GTF2F2: variants seen among roughly 807,000 people sequenced by gnomAD.
GTF2F2 encodes the protein ATP-dependent helicase GTF2F2.
GTF2F2 carries 23 observed loss-of-function variants against 42.2 expected under a neutral mutation model. The ratio of observed to expected loss-of-function variants is 0.55; its 90% confidence interval spans 0.39 to 0.77. The LOEUF (loss-of-function observed/expected upper bound fraction) is 0.77. GTF2F2 is among the 30% of genes least tolerant of loss of function. The probability of loss-of-function intolerance (pLI) is 0.00; values close to 1 mark genes in which losing one functional copy is unlikely to be tolerated. For missense variants in GTF2F2, 261 were observed against 287.2 expected (o/e 0.91, Z 0.66); for synonymous variants, 105 against 100.8 (o/e 1.04, Z -0.25).
intron 4 of GTF2F2, among the ~76,000 whole-genome samples, chr13:45,154,506 A>G (rs1189779600): frequency 6.6e-6 from 1 of 152,184 alleles, no homozygotes; most frequent in Admixed American, 6.5e-5. Context: ...TATGTTCTTT[A>G]TAGAACTGTG....
chr13:45,179,100 G>A (rs1433078431), intron 4 of GTF2F2, among the ~76,000 whole-genome samples: 1 of 152,208 alleles, frequency 6.6e-6, no homozygotes, highest in Non-Finnish European at 1.5e-5. Context: ...TGGAACTGGT[G>A]CAGCATCACT....
intron 4 of GTF2F2, among the ~76,000 whole-genome samples, chr13:45,183,761 G>A (rs910634276): frequency 1.4e-4 from 21 of 152,218 alleles, no homozygotes; most frequent in Non-Finnish European, 2.4e-4. Flanking sequence ...ACTTAGTACT[G>A]TGCCTGATAC....
chr13:45,230,665 A>T (rs575909054), intron 5 of GTF2F2, among the ~76,000 whole-genome samples: 90 of 152,328 alleles, frequency 5.9e-4, no homozygotes, highest in African/African-American at 2.0e-3. Context: ...TTTTGAGATA[A>T]AATTGTTTAC....
chr13:45,234,138 A>G (rs1874829321), intron 5 of GTF2F2, among the ~76,000 whole-genome samples: 1 of 152,256 alleles, frequency 6.6e-6, no homozygotes, highest in Non-Finnish European at 1.5e-5. Context: ...TATGGCTTTA[A>G]TAGCCTGTAT....
At chr13:45,218,578 G>T (rs1466630212) in intron 5 of GTF2F2, among the ~76,000 whole-genome samples, 1 of 152,138 alleles carries the variant, frequency 6.6e-6, no homozygotes, top group Admixed American at 6.5e-5. Flanking sequence ...TTTCTTACCA[G>T]TTTACTTAAA....
At chr13:45,218,824 GGGATGATCA>G (rs1425508778) in intron 5 of GTF2F2, among the ~76,000 whole-genome samples, 1 of 152,164 alleles carries the variant, frequency 6.6e-6, no homozygotes, top group Non-Finnish European at 1.5e-5. Context: ...TTTAGACTTT[GGGATGATCA>G]GGATTTAAAT....
intron 7 of GTF2F2, among the ~76,000 whole-genome samples, chr13:45,275,954 T>C (rs939071742): frequency 1.3e-5 from 2 of 152,206 alleles, no homozygotes; most frequent in Non-Finnish European, 2.9e-5. Flanking sequence ...CCACATCCTC[T>C]CCAGCATCTT....
intron 7 of GTF2F2, among the ~76,000 whole-genome samples, chr13:45,269,873 C>T (rs570807848): frequency 3.3e-5 from 5 of 151,906 alleles, no homozygotes; most frequent in African/African-American, 1.2e-4. Flanking sequence ...CTCTTGTTGC[C>T]CAGGCTGGAG....
At chr13:45,160,907 C>T (rs1314087398) in intron 4 of GTF2F2, among the ~76,000 whole-genome samples, 1 of 152,008 alleles carries the variant, frequency 6.6e-6, no homozygotes, top group Non-Finnish European at 1.5e-5. Flanking sequence ...AAGTAGCTAG[C>T]TCAGCACTCA....
chr13:45,177,921 A>T (rs1871963315), intron 4 of GTF2F2, among the ~76,000 whole-genome samples: 1 of 152,084 alleles, frequency 6.6e-6, no homozygotes, highest in African/African-American at 2.4e-5. Context: ...TTTATTGCTG[A>T]TGCTTTAAGG....
chr13:45,130,114 TAGG>T (rs1869259082), intron 1 of GTF2F2, among the ~76,000 whole-genome samples: 1 of 152,218 alleles, frequency 6.6e-6, no homozygotes, highest in Admixed American at 6.5e-5. Flanking sequence ...TAAGACATTA[TAGG>T]AGTTTTCTTC....
At chr13:45,194,278 TC>T in intron 4 of GTF2F2, 1 of 1,614,156 alleles carries the variant, frequency 6.2e-7, no homozygotes, top group East Asian at 2.2e-5. Flanking sequence ...CAATAGAAGT[TC>T]TCCATTTCGT....
intron 4 of GTF2F2, among the ~76,000 whole-genome samples, chr13:45,157,159 T>C (rs1870801895): frequency 1.3e-5 from 2 of 152,048 alleles, no homozygotes; most frequent in Non-Finnish European, 2.9e-5. Flanking sequence ...GCTAGGAGTT[T>C]TTAAGGCAGA....
intron 2 of GTF2F2, among the ~76,000 whole-genome samples, chr13:45,139,032 A>G (rs1300791372): frequency 2.6e-5 from 4 of 152,210 alleles, no homozygotes; most frequent in Admixed American, 2.6e-4. Flanking sequence ...ACAGGAAGCA[A>G]TGAGTCCATC....
intron 7 of GTF2F2, among the ~76,000 whole-genome samples, chr13:45,279,765 C>T (rs1031038766): frequency 1.3e-5 from 2 of 152,076 alleles, no homozygotes; most frequent in African/African-American, 4.8e-5. Flanking sequence ...ATTAGCCAGG[C>T]GTGGTGTCAC....
At chr13:45,197,742 GT>G (rs1366167043) in intron 4 of GTF2F2, among the ~76,000 whole-genome samples, 1 of 152,136 alleles carries the variant, frequency 6.6e-6, no homozygotes, top group Non-Finnish European at 1.5e-5. Flanking sequence ...CTTGTCCAAG[GT>G]AATATCTGTA....
intron 1 of GTF2F2, among the ~76,000 whole-genome samples, chr13:45,127,743 C>T (rs1869101724): frequency 6.6e-6 from 1 of 152,002 alleles, no homozygotes; most frequent in Non-Finnish European, 1.5e-5. Flanking sequence ...AGTGATTCTC[C>T]TGTCTCAGTC....
chr13:45,167,375 C>T (rs1871344172), intron 4 of GTF2F2, among the ~76,000 whole-genome samples: 1 of 149,960 alleles, frequency 6.7e-6, no homozygotes, highest in Non-Finnish European at 1.5e-5. Context: ...TGCCACCACA[C>T]CCAGCTAATT....
chr13:45,222,987 C>G (rs1593499905), intron 5 of GTF2F2, among the ~76,000 whole-genome samples: 1 of 152,234 alleles, frequency 6.6e-6, no homozygotes, highest in African/African-American at 2.4e-5. Context: ...GAGATTACTT[C>G]TAGAAAAGTC....
Sources: allele counts gnomAD v4.1 joint callset (sites outside exome capture counted in the v4.1 genomes callset), GRCh38; gene constraint gnomAD v4.1.1; transcripts MANE v1.5; gene names NCBI Gene and HGNC (gene_info 2026-07-23, HGNC 2026-07-21).